The following ACVR1 variants were observed in gnomAD, a reference collection of about 807,000 sequenced individuals.
ACVR1 encodes activin receptor type-1.
A neutral mutation model predicts 57.1 loss-of-function variants in ACVR1; 38 were observed. The ratio of observed to expected loss-of-function variants is 0.67; its 90% CI spans 0.51 to 0.87. ACVR1 has a LOEUF of 0.87. ACVR1 is among the 40% of genes least tolerant of loss of function. The pLI is 0.00. For synonymous variants in ACVR1, 212 were observed against 228.1 expected, an observed-to-expected ratio of 0.93 and a Z score of 0.63; for missense variants, 463 against 638.2, an observed-to-expected ratio of 0.73 and a Z score of 2.96.
chr2:157,841,772 C>T lies in ACVR1; in HGVS notation c.-182-23213G>A, dbSNP rs556947063. On this transcript the variant is annotated intron_variant, in intron 1 of 10. Transcript: ENST00000434821. ...GGCACGGTGGCTAACACCTGTAATCCCAGCACTTTGGGAGGCCAAGGCAGG... is the reference window on the plus strand; with the variant it reads ...GGCACGGTGGCTAACACCTGTAATCTCAGCACTTTGGGAGGCCAAGGCAGG... 2.4e-4 allele frequency among the ~76,000 whole-genome samples: 36 copies of T among 151,972 alleles called. No individual in the cohort carries two copies. The South Asian group carries it at 7.1e-3, about 30-fold the overall frequency.
At chr2:157,739,351 C>A (rs1027521088) in intron 9 of ACVR1, among the ~76,000 whole-genome samples, 1 of 152,182 alleles carries the variant, frequency 6.6e-6, no homozygotes. Flanking sequence ...CTAATACCAG[C>A]TTCTGCCCCT....
chr2:157,807,576 T>TA lies in ACVR1; in HGVS notation c.-7-8077dup, dbSNP rs202126476. Among the ~76,000 whole-genome samples the TA allele has an allele frequency of 1.1e-3, 166 of 152,066 alleles. 1 individual carries two copies. The East Asian group carries it at 0.025, about 23-fold the overall frequency. ...TGTGACTGGACCATTTTTTTTTTTT[T>TA]ACCTATTGGTAGGAAAAGCCCCATT... On this transcript the variant is annotated intron_variant, in intron 2 of 10. Coordinates refer to ENST00000434821, the MANE Select transcript of ACVR1 (RefSeq NM_001111067.4).
chr2:157,790,774 A>C (rs1031511283), intron 3 of ACVR1, among the ~76,000 whole-genome samples: 4 of 151,980 alleles, frequency 2.6e-5, no homozygotes, highest in Non-Finnish European at 5.9e-5. Context: ...CCATCCCTTT[A>C]CTTCTCATCT....
At chr2:157,850,829 C>T (rs1412422010) in intron 1 of ACVR1, among the ~76,000 whole-genome samples, 1 of 151,970 alleles carries the variant, frequency 6.6e-6, no homozygotes, top group Non-Finnish European at 1.5e-5. Flanking sequence ...TGGTGGTGCA[C>T]ATCTGTAATC....
At chr2:157,737,805 A>G in intron 10 of ACVR1, 140 bp from the exon 11 acceptor site, 1 of 1,166,664 alleles carries the variant, frequency 8.6e-7, no homozygotes, top group Non-Finnish European at 1.3e-6. Flanking sequence ...ATCTTCTTCA[A>G]GCAAATATTC....
chr2:157,748,485 T>A (rs893653285), intron 9 of ACVR1, among the ~76,000 whole-genome samples: 6 of 152,156 alleles, frequency 3.9e-5, no homozygotes, highest in African/African-American at 1.4e-4. Context: ...TGACGTGCAA[T>A]TTCAGGCAAA....
At chr2:157,826,988 T>A (rs761785109) in intron 1 of ACVR1, among the ~76,000 whole-genome samples, 5 of 151,806 alleles carry the variant, frequency 3.3e-5, no homozygotes, top group Admixed American at 1.3e-4. Flanking sequence ...AAAGCATTAA[T>A]AATTTCAAGC....
chr2:157,792,421 T>C (rs1355399941), intron 3 of ACVR1, among the ~76,000 whole-genome samples: 2 of 152,146 alleles, frequency 1.3e-5, no homozygotes, highest in African/African-American at 4.8e-5. Context: ...TAAACTTCCC[T>C]CTTCCTCCCA....
chr2:157,778,395 T>C, intron 4 of ACVR1, 53 bp from the exon 5 acceptor site: 3 of 1,432,664 alleles, frequency 2.1e-6, no homozygotes, highest in South Asian at 1.2e-5. Context: ...TGCTTACTTA[T>C]TATTAGCATA....
chr2:157,837,601 G>A (rs1688828769), intron 1 of ACVR1, among the ~76,000 whole-genome samples: 1 of 152,210 alleles, frequency 6.6e-6, no homozygotes, highest in South Asian at 2.1e-4. Flanking sequence ...TTTAAGGACT[G>A]TAACCCTCAG....
chr2:157,786,209 T>G (rs543787320), intron 3 of ACVR1, among the ~76,000 whole-genome samples: 6 of 152,238 alleles, frequency 3.9e-5, no homozygotes, highest in Admixed American at 1.3e-4. Context: ...GCTACAGCCA[T>G]ACTTGTGTCT....
intron 1 of ACVR1, among the ~76,000 whole-genome samples, chr2:157,844,855 C>T (rs1020642896): frequency 6.6e-6 from 1 of 152,094 alleles, no homozygotes; most frequent in Non-Finnish European, 1.5e-5. Flanking sequence ...AAAAAAAGAG[C>T]TCCCTGGGCC....
intron 2 of ACVR1, among the ~76,000 whole-genome samples, chr2:157,817,561 C>A (rs1166639055): frequency 6.6e-6 from 1 of 152,028 alleles, no homozygotes; most frequent in Non-Finnish European, 1.5e-5. Flanking sequence ...GAAGTAGGTT[C>A]ATTGATTGTA....
At position 157,738,497 on chromosome 2, in the gene ACVR1, C is replaced by G. The variant is rs1684626999; in HGVS notation, c.1338G>C (p.Lys446Asn). 2 of 1,614,126 alleles carry G rather than the reference C, an allele frequency of 1.2e-6. No individual in the cohort carries two copies. Among genetic ancestry groups the G allele is most frequent in the Non-Finnish European group, 1.7e-6 (2 of 1,179,994 alleles). The change falls in exon 10 of 11, where the codon AAG (lysine) becomes AAC (asparagine). Residue 446 changes from lysine (K) to asparagine (N), a missense_variant. By Grantham distance (94) the Lys-to-Asn change is moderately conservative. Around this residue, in one of 3 missense-constraint regions of ACVR1, gnomAD observed 146 missense variants for 186.6 expected, o/e 0.78. Coordinates refer to ENST00000434821, the MANE Select transcript of ACVR1 (RefSeq NM_001111067.4). ...PNDPSFEDMR[K>N]VVCVDQQRPN... ...GCCTTTGTTGATCCACACAGACTAC[C>G]TTCCTCATATCTTCAAAACTTGGGT...
intron 3 of ACVR1, 57 bp downstream of exon 3, chr2:157,799,370 C>CAAA: frequency 1.5e-6 from 1 of 662,908 alleles, no homozygotes; most frequent in Non-Finnish European, 2.5e-6. Context: ...TTATAGTAAG[C>CAAA]CAAAAAAAAA....
At chr2:157,833,925 A>C (rs1384463470) in intron 1 of ACVR1, among the ~76,000 whole-genome samples, 2 of 152,144 alleles carry the variant, frequency 1.3e-5, no homozygotes, top group Non-Finnish European at 2.9e-5. Context: ...ACTGCTGTGC[A>C]CTCAGGCTTA....
intron 2 of ACVR1, among the ~76,000 whole-genome samples, chr2:157,818,001 CA>C (rs67822299): frequency 1.4e-4 from 17 of 125,144 alleles, no homozygotes; most frequent in African/African-American, 4.1e-4. Context: ...GACTCCGTCT[CA>C]AAAAAAAAAA....
intron 3 of ACVR1, among the ~76,000 whole-genome samples, chr2:157,798,107 G>A (rs967012110): frequency 5.3e-5 from 8 of 152,118 alleles, no homozygotes; most frequent in Non-Finnish European, 8.8e-5. Flanking sequence ...AGACATGGCC[G>A]TTGCACTACA....
At chr2:157,768,384 C>G (rs1233577815) in intron 7 of ACVR1, among the ~76,000 whole-genome samples, 11 of 151,902 alleles carry the variant, frequency 7.2e-5, no homozygotes, top group Admixed American at 7.2e-4. Flanking sequence ...TAAAAAATAC[C>G]CCAAACTCTA....
Sources: gnomAD v4.1 joint callset for allele counts (sites outside exome capture counted in the v4.1 genomes callset) on GRCh38, gnomAD v4.1.1 for gene constraint, gnomAD v4.1.1 regional missense constraint, MANE v1.5 for transcripts, NCBI Gene and HGNC (gene_info 2026-07-23, HGNC 2026-07-21) for gene names.